Variants in PPP3CA observed in about 807,000 individuals in gnomAD.
The protein encoded by PPP3CA is CAM-PRP catalytic subunit.
PPP3CA carries 14 observed loss-of-function variants against 66.5 expected under a neutral mutation model. The ratio of observed to expected loss-of-function variants is 0.21; its 90% CI spans 0.14 to 0.33. The LOEUF is 0.33. Ranked by LOEUF, PPP3CA falls within the 10% of genes least tolerant of loss-of-function variation. The pLI is 1.00. For missense variants in PPP3CA, 317 were observed against 639.5 expected, an observed-to-expected ratio of 0.50 and a Z score of 5.44; for synonymous variants, 232 against 226.2, an observed-to-expected ratio of 1.03 and a Z score of -0.23.
intron 1 of PPP3CA, among the ~76,000 whole-genome samples, chr4:101,223,000 T>A (rs1725672670): frequency 6.6e-6 from 1 of 151,750 alleles, no homozygotes; most frequent in Non-Finnish European, 1.5e-5. Context: ...GACAGTCTAT[T>A]AATGCACATT....
chr4:101,163,095 A>T (rs1441660779), intron 2 of PPP3CA, among the ~76,000 whole-genome samples: 1 of 152,156 alleles, frequency 6.6e-6, no homozygotes, highest in Non-Finnish European at 1.5e-5. Flanking sequence ...AAACTTTTTA[A>T]TAACTGGCAA....
intron 13 of PPP3CA, among the ~76,000 whole-genome samples, chr4:101,027,937 TCACAGAAAC>T (rs1726737638): frequency 6.6e-6 from 1 of 151,970 alleles, no homozygotes; most frequent in African/African-American, 2.4e-5. Flanking sequence ...CAACACAGAG[TCACAGAAAC>T]CACAGAAAAC....
intron 3 of PPP3CA, among the ~76,000 whole-genome samples, chr4:101,105,751 C>A (rs1730637818): frequency 6.6e-6 from 1 of 151,976 alleles, no homozygotes; most frequent in East Asian, 1.9e-4. Flanking sequence ...AGTGTTGTGA[C>A]CTTTGATTAC....
At chr4:101,080,286 T>A (rs1729376873) in intron 8 of PPP3CA, among the ~76,000 whole-genome samples, 1 of 152,196 alleles carries the variant, frequency 6.6e-6, no homozygotes, top group Admixed American at 6.5e-5. Flanking sequence ...GCAGCAGCTG[T>A]CAACCCTGCT....
At chr4:101,304,228 T>G (rs1728468053) in intron 1 of PPP3CA, among the ~76,000 whole-genome samples, 1 of 152,184 alleles carries the variant, frequency 6.6e-6, no homozygotes, top group Non-Finnish European at 1.5e-5. Flanking sequence ...TTTAAATTGT[T>G]TTTTGATTCT....
intron 1 of PPP3CA, among the ~76,000 whole-genome samples, chr4:101,310,690 A>G (rs1235388501): frequency 6.6e-6 from 1 of 152,198 alleles, no homozygotes; most frequent in Non-Finnish European, 1.5e-5. Flanking sequence ...CAACAGAATT[A>G]AGTAAAATTA....
At chr4:101,043,174 A>G (rs1727605007) in intron 10 of PPP3CA, among the ~76,000 whole-genome samples, 1 of 152,178 alleles carries the variant, frequency 6.6e-6, no homozygotes, top group Non-Finnish European at 1.5e-5. Context: ...CATGTATTTA[A>G]GTGAGGTGAG....
At chr4:101,082,135 T>C (rs990221863) in intron 7 of PPP3CA, among the ~76,000 whole-genome samples, 2 of 152,158 alleles carry the variant, frequency 1.3e-5, no homozygotes, top group Non-Finnish European at 2.9e-5. Flanking sequence ...CAAAATAGCA[T>C]AGTGACACCA....
chr4:101,286,108 C>A (rs922978074), intron 1 of PPP3CA, among the ~76,000 whole-genome samples: 12 of 152,098 alleles, frequency 7.9e-5, no homozygotes, highest in African/African-American at 2.9e-4. Flanking sequence ...AAGAAGCATC[C>A]AACTTAGATC....
At chr4:101,124,672 A>AGAAG (rs1168076247) in intron 2 of PPP3CA, among the ~76,000 whole-genome samples, 5 of 50,196 alleles carry the variant, frequency 1.0e-4, no homozygotes, top group African/African-American at 2.1e-4. Flanking sequence ...ACAGAAAGAA[A>AGAAG]GAAAGAAAGA....
intron 5 of PPP3CA, among the ~76,000 whole-genome samples, chr4:101,094,514 A>C (rs1435427772): frequency 1.3e-5 from 2 of 152,198 alleles, no homozygotes; most frequent in Non-Finnish European, 1.5e-5. Context: ...ATTATGGGCT[A>C]TCTAGGTTTC....
At chr4:101,308,284 A>G (rs928312174) in intron 1 of PPP3CA, among the ~76,000 whole-genome samples, 4 of 152,234 alleles carry the variant, frequency 2.6e-5, no homozygotes, top group Admixed American at 1.3e-4. Context: ...AAAGATGAAT[A>G]GACCTGACCC....
At chr4:101,180,722 T>C (rs1013238683) in intron 2 of PPP3CA, among the ~76,000 whole-genome samples, 3 of 152,020 alleles carry the variant, frequency 2.0e-5, no homozygotes, top group Admixed American at 1.3e-4. Context: ...TTACGGGTCA[T>C]GATGATGTTA....
intron 2 of PPP3CA, among the ~76,000 whole-genome samples, chr4:101,113,529 A>T (rs544575435): frequency 1.3e-5 from 2 of 152,234 alleles, no homozygotes; most frequent in South Asian, 4.1e-4. Flanking sequence ...GGAAGGAGGG[A>T]TGAACCTAAG....
chr4:101,219,954 G>T (rs1304386396), intron 1 of PPP3CA, among the ~76,000 whole-genome samples: 2 of 151,686 alleles, frequency 1.3e-5, no homozygotes. Flanking sequence ...CGTCCATAAT[G>T]ATCATTTTCC....
chr4:101,307,264 T>C (rs1362365690), intron 1 of PPP3CA, among the ~76,000 whole-genome samples: 1 of 152,054 alleles, frequency 6.6e-6, no homozygotes, highest in South Asian at 2.1e-4. Context: ...GGGTAAGATA[T>C]GTTTGCCCTA....
At chr4:101,053,645 C>T (rs549068477) in intron 10 of PPP3CA, among the ~76,000 whole-genome samples, 7 of 152,154 alleles carry the variant, frequency 4.6e-5, no homozygotes, top group East Asian at 1.9e-4. Context: ...TAGAATTACA[C>T]GTCAGTTTTA....
At chr4:101,335,638 A>G (rs958652348) in intron 1 of PPP3CA, among the ~76,000 whole-genome samples, 1 of 152,180 alleles carries the variant, frequency 6.6e-6, no homozygotes, top group African/African-American at 2.4e-5. Flanking sequence ...TCAATGGGAA[A>G]GGCATGAGAA....
At chr4:101,303,858 T>TAC (rs781410663) in intron 1 of PPP3CA, among the ~76,000 whole-genome samples, 1 of 152,214 alleles carries the variant, frequency 6.6e-6, no homozygotes, top group Non-Finnish European at 1.5e-5. Flanking sequence ...AATGACATCT[T>TAC]ACTGTTTTTG....
Sources: allele counts gnomAD v4.1 joint callset (sites outside exome capture counted in the v4.1 genomes callset), GRCh38; gene constraint gnomAD v4.1.1; transcripts MANE v1.5; gene names NCBI Gene and HGNC (gene_info 2026-07-23, HGNC 2026-07-21).